Variants in B3GNT5 observed in about 807,000 individuals in gnomAD.
B3GNT5 encodes the protein UDP-GlcNAc:betaGal beta-1,3-N-acetylglucosaminyltransferase 5.
A neutral mutation model predicts 25.9 loss-of-function variants in B3GNT5; 11 were observed. The observed-to-expected ratio is 0.42, with a 90% confidence interval of 0.27 to 0.70. The LOEUF (loss-of-function observed/expected upper bound fraction) is 0.70. Among genes scored for constraint, B3GNT5 ranks in the 30% least tolerant of loss-of-function variants. The pLI is 0.23. For missense variants in B3GNT5, 385 were observed against 458.4 expected (o/e 0.84, Z 1.46); for synonymous variants, 166 against 158.6 (o/e 1.05, Z -0.35).
Position 183,270,645 on chromosome 3 carries a change from G to A in B3GNT5, c.847G>A (p.Asp283Asn), listed in dbSNP as rs1190308876. ...ACTAAATTCAAGTCTTTACATAGAC[G>A]ATGTGTTCATGGGCCTCTGTGCCAA... ...QTLNSSLYIDDVFMGLCANKI... is the reference protein window; with the variant it reads ...QTLNSSLYIDNVFMGLCANKI... The change falls in exon 2 of 2, where the codon GAT becomes AAT. Residue 283 changes from aspartate (D) to asparagine (N), a missense_variant. Coordinates refer to ENST00000326505, the MANE Select transcript of B3GNT5 (RefSeq NM_032047.5). This position sits in a 1 kb window ranked among gnomAD's most constrained non-coding sequence, Gnocchi z 4.5. The A allele has an allele frequency of 6.2e-6, 10 of 1,614,004 alleles. No homozygotes were observed. Among genetic ancestry groups the A allele is most frequent in the East Asian group, 2.2e-5 (1 of 44,900 alleles).
At chr3:183,269,232 T>TTTTC (rs1170448295) in intron 1 of B3GNT5, among the ~76,000 whole-genome samples, 2 of 140,100 alleles carry the variant, frequency 1.4e-5, no homozygotes, top group African/African-American at 5.4e-5. Context: ...TTGGGAAGCT[T>TTTTC]TTTTTTTTTT....
In B3GNT5 at chr3:183,273,062, T is replaced by C. The variant is rs1448482795; in HGVS notation, c.*2127T>C. The C allele has an allele frequency of 4.0e-6, 6 of 1,482,668 alleles. No homozygotes were observed. Among genetic ancestry groups the C allele is most frequent in the Non-Finnish European group, 5.4e-6 (6 of 1,111,578 alleles). 91.8% of individuals were successfully genotyped at this position (1,482,668 alleles called of 1,614,324 possible). On this transcript the variant is annotated 3_prime_UTR_variant, in exon 2 of 2. Transcript: ENST00000326505. ...CACTTACTTAAAGTACTGAGAAGAG[T>C]ATCTGTAAATAAAAGGGTTCCAACC... is the stretch of plus-strand genomic sequence containing the variant.
intron 1 of B3GNT5, among the ~76,000 whole-genome samples, chr3:183,261,961 T>TAAAAAA (rs59219335): frequency 8.9e-6 from 1 of 112,116 alleles, no homozygotes; most frequent in Non-Finnish European, 1.8e-5. Context: ...TGTCCAGCAT[T>TAAAAAA]AAAAAAAAAA....
rs60835895 is a variant in B3GNT5 at position 183,269,230 on chromosome 3, C to CTTTTTTTTTTTTT, written c.-301-262_-301-250dup. On this transcript the variant is annotated intron_variant, in intron 1 of 1. Transcript: ENST00000326505. ...TACACGATTATAGCCGTTTGGGAAG[C>CTTTTTTTTTTTTT]TTTTTTTTTTTTTTTTTTAAGAGTA... Among the ~76,000 whole-genome samples the CTTTTTTTTTTTTT allele has an allele frequency of 4.0e-4, 32 of 81,000 alleles. 6 individuals carry two copies. The highest frequency in any genetic ancestry group is 1.1e-3 in the African/African-American group (17 of 15,754). The allele number at this position is 81,000 out of a possible 152,430, so 53.1% of individuals were successfully genotyped here. A position where few individuals can be genotyped will look rare whatever the true frequency, so the allele number is the denominator to read the frequency against.
chr3:183,269,629 A>T lies in B3GNT5; in HGVS notation c.-170A>T. ...GGGTGTTCCATTCTTCCGCAATCTC[A>T]GAAAAATGGGACTAAAAGAAACTAT... is the stretch of plus-strand genomic sequence containing the variant. On this transcript the variant is annotated 5_prime_UTR_variant, in exon 2 of 2. Coordinates refer to ENST00000326505, the MANE Select transcript of B3GNT5 (RefSeq NM_032047.5). 1.6e-6 allele frequency: 1 copy of T among 611,152 alleles called. No individual in the cohort carries two copies. 37.9% of individuals were successfully genotyped at this position (611,152 alleles called of 1,614,324 possible).
chr3:183,272,335 G>GTGAC lies in B3GNT5; in HGVS notation c.*1404_*1407dup. On this transcript the variant is annotated 3_prime_UTR_variant, in exon 2 of 2. Transcript: ENST00000326505. ...GGCCAAAATAATGACTTCAGCAAGA[G>GTGAC]TGACTGAACTCACTCTAAGGCCTTT... 1 of 1,000,248 alleles carries GTGAC rather than the reference G, an allele frequency of 1.0e-6. No individual in the cohort carries two copies. Among genetic ancestry groups the GTGAC allele is most frequent in the Non-Finnish European group, 1.2e-6 (1 of 829,992 alleles). 62.0% of individuals were successfully genotyped at this position (1,000,248 alleles called of 1,614,324 possible). A position where few individuals can be genotyped will look rare whatever the true frequency, so the allele number is the denominator to read the frequency against.
At chr3:183,266,162 AC>A (rs1726097012) in intron 1 of B3GNT5, 1 of 152,214 alleles carries the variant, frequency 6.6e-6, no homozygotes, top group African/African-American at 2.4e-5. Flanking sequence ...AGATACTAGC[AC>A]CTTTAATGAG....
At chr3:183,268,970 C>A (rs1726432000) in intron 1 of B3GNT5, among the ~76,000 whole-genome samples, 3 of 151,872 alleles carry the variant, frequency 2.0e-5, no homozygotes, top group African/African-American at 7.3e-5. Context: ...TGAGAGTTTG[C>A]TTTCAAGGAG....
At chr3:183,253,837 C>A (rs1440987178) in intron 1 of B3GNT5, 1 of 152,276 alleles carries the variant, frequency 6.6e-6, no homozygotes, top group Non-Finnish European at 1.5e-5. Flanking sequence ...TGGTCAGTTA[C>A]GTGGTGAAAA....
chr3:183,270,967 A>G lies in B3GNT5; in HGVS notation c.*32A>G. ...TTGAATGTTGTATGTTTTCACTGTC[A>G]CTGAGTCAAACCTGGATGAAAAAAA... is the stretch of plus-strand genomic sequence containing the variant. On this transcript the variant is annotated 3_prime_UTR_variant, in exon 2 of 2. Transcript: ENST00000326505. The surrounding 1 kb of genome is among the most constrained non-coding windows in gnomAD (Gnocchi z 4.5). 6.6e-7 allele frequency: 1 copy of G among 1,519,052 alleles called. No individual in the cohort carries two copies. Among genetic ancestry groups the G allele is most frequent in the Non-Finnish European group, 8.8e-7 (1 of 1,133,800 alleles). 94.1% of individuals were successfully genotyped at this position (1,519,052 alleles called of 1,614,324 possible).
chr3:183,269,607 T>C lies in B3GNT5; in HGVS notation c.-192T>C. 1.8e-6 allele frequency: 1 copy of C among 547,700 alleles called. No homozygotes were observed. The highest frequency in any genetic ancestry group is 2.6e-5 in the South Asian group (1 of 38,908). 33.9% of individuals were successfully genotyped at this position (547,700 alleles called of 1,614,324 possible). ...GTGCCAGTGTCCTCGTTCTACAGGG[T>C]GTTCCATTCTTCCGCAATCTCAGAA... On this transcript the variant is annotated 5_prime_UTR_variant, in exon 2 of 2. Coordinates refer to ENST00000326505, the MANE Select transcript of B3GNT5 (RefSeq NM_032047.5).
At chr3:183,259,844 A>G (rs1245476999) in intron 1 of B3GNT5, among the ~76,000 whole-genome samples, 1 of 152,112 alleles carries the variant, frequency 6.6e-6, no homozygotes, top group Admixed American at 6.5e-5. Context: ...TGAGACCAAG[A>G]AGAAGAAGGA....
rs769297151 is a variant in B3GNT5 at position 183,269,582 on chromosome 3, G to A, written c.-217G>A. On this transcript the variant is annotated 5_prime_UTR_variant, in exon 2 of 2. The change creates a new upstream start codon in the 5' untranslated region. Transcript: ENST00000326505. ...GATGCCCGTGTGGAAGAATTTTGAC[G>A]TGCCAGTGTCCTCGTTCTACAGGGT... 8 of 465,734 alleles carry A rather than the reference G, an allele frequency of 1.7e-5. No individual in the cohort carries two copies. Among genetic ancestry groups the A allele is most frequent in the Non-Finnish European group, 1.5e-5 (4 of 268,332 alleles). 28.9% of individuals were successfully genotyped at this position (465,734 alleles called of 1,614,324 possible).
At chr3:183,258,048 A>T (rs1431739798) in intron 1 of B3GNT5, among the ~76,000 whole-genome samples, 1 of 135,250 alleles carries the variant, frequency 7.4e-6, no homozygotes, top group Non-Finnish European at 1.5e-5. Context: ...GCTCACCGCA[A>T]CCTCCGCCTC....
rs1485950181 is a variant in B3GNT5, at chr3:183,269,925, A to G, written c.127A>G (p.Met43Val). ...EPIDNHIVSHMKSYSYRYLIN... is the reference protein window; with the variant it reads ...EPIDNHIVSHVKSYSYRYLIN... Reference sequence around the variant, plus strand: ...AATCGATAATCACATTGTGAGCCATATGAAGTCATATTCTTACAGATACCT... The same window carrying G: ...AATCGATAATCACATTGTGAGCCATGTGAAGTCATATTCTTACAGATACCT... The change falls in exon 2 of 2, where the codon ATG becomes GTG. Residue 43 changes from methionine to valine, a missense_variant. Coordinates refer to ENST00000326505, the MANE Select transcript of B3GNT5 (RefSeq NM_032047.5). 1.2e-6 allele frequency: 2 copies of G among 1,614,160 alleles called. No individual in the cohort carries two copies. Among genetic ancestry groups the G allele is most frequent in the African/African-American group, 2.7e-5 (2 of 75,034 alleles).
intron 1 of B3GNT5, among the ~76,000 whole-genome samples, chr3:183,259,024 A>G (rs984352422): frequency 3.3e-5 from 5 of 152,246 alleles, no homozygotes; most frequent in Non-Finnish European, 7.3e-5. Context: ...AGACACGACC[A>G]TAAATTTTTT....
chr3:183,263,149 T>G (rs1725777038), intron 1 of B3GNT5, among the ~76,000 whole-genome samples: 1 of 152,096 alleles, frequency 6.6e-6, no homozygotes, highest in Admixed American at 6.5e-5. Context: ...CAGTTCTCAG[T>G]GAAGCCATGT....
In B3GNT5 at chr3:183,271,970, T is replaced by C. The variant is rs1011014153; in HGVS notation, c.*1035T>C. 7 of 231,308 alleles carry C rather than the reference T, an allele frequency of 3.0e-5. No individual in the cohort carries two copies. The highest frequency in any genetic ancestry group is 2.0e-4 in the Admixed American group (3 of 15,360). 14.3% of individuals were successfully genotyped at this position (231,308 alleles called of 1,614,324 possible). ...ACAAGGTCTTATAAACCACAGCACT[T>C]TGTTCCAAGTTCAGAGTTTTAAATT... On this transcript the variant is annotated 3_prime_UTR_variant, in exon 2 of 2. Transcript: ENST00000326505.
At position 183,270,035 on chromosome 3, in the gene B3GNT5, C is replaced by T; in HGVS notation, c.237C>T (p.His79=). Residue 79 remains histidine, a synonymous_variant, in exon 2 of 2, where the codon CAC becomes CAT. Transcript: ENST00000326505. This position sits in a 1 kb window ranked among gnomAD's most constrained non-coding sequence, Gnocchi z 4.5. The stretch of plus-strand genomic sequence containing the variant: ...CTCGCTACCAATACTTGATTAACCA[C>T]AAGGAAAAGTGTCAAGCTCAAGACG... The part of the protein sequence containing the change: ...AGPRYQYLIN[H]KEKCQAQDVL... The T allele has an allele frequency of 1.2e-6, 2 of 1,614,088 alleles. No individual in the cohort carries two copies. The highest frequency in any genetic ancestry group is 2.2e-5 in the East Asian group (1 of 44,870).
Sources: allele counts gnomAD v4.1 joint callset (sites outside exome capture counted in the v4.1 genomes callset), GRCh38; gene constraint gnomAD v4.1.1; non-coding constraint Gnocchi (gnomAD v3.1); transcripts MANE v1.5; gene names NCBI Gene and HGNC (gene_info 2026-07-23, HGNC 2026-07-21).